ROBO2: variants seen among roughly 807,000 people sequenced by gnomAD.
ROBO2 encodes roundabout homolog 2.
ROBO2 carries 53 observed loss-of-function variants against 160.8 expected under a neutral mutation model. The ratio of observed to expected loss-of-function variants is 0.33; its 90% confidence interval spans 0.26 to 0.41. The LOEUF is 0.41. ROBO2 is among the 10% of genes least tolerant of loss of function. The pLI is 1.00. For synonymous variants in ROBO2, 664 were observed against 611.7 expected (o/e 1.09, Z -1.26); for missense variants, 1,577 against 1,722.4 (o/e 0.92, Z 1.49).
At chr3:77,287,327 C>G (rs1250124406) in intron 2 of ROBO2, among the ~76,000 whole-genome samples, 5 of 151,952 alleles carry the variant, frequency 3.3e-5, no homozygotes, top group African/African-American at 1.2e-4. Context: ...CATCGTTTAT[C>G]TTTCAAAAGA....
chr3:76,941,892 G>T (rs911639046), intron 2 of ROBO2, among the ~76,000 whole-genome samples: 1 of 152,082 alleles, frequency 6.6e-6, no homozygotes, highest in Admixed American at 6.6e-5. Flanking sequence ...TTTTTAAGTT[G>T]GAGAATAAGA....
At chr3:77,622,368 G>A in exon 23 of ROBO2, 1 of 1,614,022 alleles carries the variant, frequency 6.2e-7, no homozygotes, top group Non-Finnish European at 8.5e-7. Context: ...AAATCCCCAG[G>A]CCCCTGAGAG....
At chr3:76,867,824 G>A (rs1210741263) in intron 2 of ROBO2, among the ~76,000 whole-genome samples, 1 of 152,176 alleles carries the variant, frequency 6.6e-6, no homozygotes, top group Admixed American at 6.5e-5. Context: ...CTTTCAATAA[G>A]AGAGAACATT....
intron 5 of ROBO2, among the ~76,000 whole-genome samples, chr3:77,508,762 T>C (rs1314537520): frequency 6.6e-6 from 1 of 152,078 alleles, no homozygotes; most frequent in East Asian, 1.9e-4. Flanking sequence ...CTGTTTATAA[T>C]TTTTATCATA....
At chr3:76,447,891 G>T (rs1322990150) in intron 2 of ROBO2, among the ~76,000 whole-genome samples, 1 of 117,858 alleles carries the variant, frequency 8.5e-6, no homozygotes, top group Non-Finnish European at 1.7e-5. Flanking sequence ...GGGGCCTGTT[G>T]TGGGGTGGGG....
At chr3:76,148,156 A>G (rs995646134) in intron 2 of ROBO2, among the ~76,000 whole-genome samples, 5 of 151,988 alleles carry the variant, frequency 3.3e-5, no homozygotes, top group Admixed American at 3.3e-4. Context: ...GGTTTCACTC[A>G]CATTTCATAA....
chr3:76,012,360 G>A (rs1055386645), intron 2 of ROBO2, among the ~76,000 whole-genome samples: 8 of 151,996 alleles, frequency 5.3e-5, no homozygotes, highest in Admixed American at 5.2e-4. Flanking sequence ...TTAAAATTTG[G>A]TATTTTATAC....
In ROBO2 at chr3:76,434,949, A is replaced by T. The variant is rs192856135; in HGVS notation, c.109+497347A>T. ...CCCATCCCCCAAACCAGCCACAAAGAAGGAGCCAGCTGTACTTGAACTGGA... is the reference window on the plus strand; with the variant it reads ...CCCATCCCCCAAACCAGCCACAAAGTAGGAGCCAGCTGTACTTGAACTGGA... On this transcript the variant is annotated intron_variant, in intron 2 of 26. Transcript: ENST00000487694. The T allele has an allele frequency of 1.1e-4, 170 of 1,599,230 alleles. No individual in the cohort carries two copies. In the African/African-American group the frequency reaches 2.1e-3, roughly 20 times the overall value.
intron 2 of ROBO2, among the ~76,000 whole-genome samples, chr3:76,972,999 C>A (rs2059643588): frequency 6.6e-6 from 1 of 152,052 alleles, no homozygotes; most frequent in African/African-American, 2.4e-5. Context: ...TTGTAAAGAG[C>A]TATTTAGTGC....
intron 2 of ROBO2, among the ~76,000 whole-genome samples, chr3:76,511,283 T>G (rs2081072830): frequency 6.6e-6 from 1 of 152,316 alleles, no homozygotes; most frequent in African/African-American, 2.4e-5. Flanking sequence ...ATAGTGAATT[T>G]CTTTCCAGTT....
intron 2 of ROBO2, among the ~76,000 whole-genome samples, chr3:76,065,757 A>C (rs1418984036): frequency 1.4e-5 from 1 of 72,162 alleles, no homozygotes; most frequent in African/African-American, 3.9e-5. Context: ...ATATATACAC[A>C]CACACACACA....
At chr3:76,349,722 C>T (rs2074756426) in intron 2 of ROBO2, among the ~76,000 whole-genome samples, 1 of 152,084 alleles carries the variant, frequency 6.6e-6, no homozygotes, top group African/African-American at 2.4e-5. Flanking sequence ...AAGTCAGAAA[C>T]AAAGGACAGT....
intron 2 of ROBO2, among the ~76,000 whole-genome samples, chr3:77,029,496 G>A (rs1481089976): frequency 6.6e-6 from 1 of 152,146 alleles, no homozygotes; most frequent in Non-Finnish European, 1.5e-5. Context: ...CAGAGGAAAC[G>A]ACTTAAGTCT....
At chr3:76,578,716 T>C (rs1012486909) in intron 2 of ROBO2, among the ~76,000 whole-genome samples, 1 of 152,116 alleles carries the variant, frequency 6.6e-6, no homozygotes, top group Non-Finnish European at 1.5e-5. Context: ...TCCCATCACT[T>C]CAGCTGTCCA....
intron 2 of ROBO2, among the ~76,000 whole-genome samples, chr3:76,959,280 C>A (rs931999056): frequency 6.6e-6 from 1 of 152,130 alleles, no homozygotes; most frequent in African/African-American, 2.4e-5. Context: ...TCAAATCGCC[C>A]TTTGTGGAAA....
At chr3:76,885,860 G>T (rs1219370860) in intron 2 of ROBO2, among the ~76,000 whole-genome samples, 3 of 151,950 alleles carry the variant, frequency 2.0e-5, no homozygotes, top group African/African-American at 7.3e-5. Flanking sequence ...TTTTCCTCTT[G>T]TTCCTGAGAC....
chr3:76,655,148 C>G (rs1349013), intron 2 of ROBO2, among the ~76,000 whole-genome samples: 1 of 149,278 alleles, frequency 6.7e-6, no homozygotes, highest in African/African-American at 2.4e-5. Flanking sequence ...AAGAATTTCT[C>G]CTATTAATAT....
intron 2 of ROBO2, among the ~76,000 whole-genome samples, chr3:77,264,408 A>G (rs1289407150): frequency 1.3e-5 from 2 of 152,120 alleles, no homozygotes; most frequent in Non-Finnish European, 2.9e-5. Context: ...TGCGATTGCC[A>G]TTTCACATGA....
chr3:77,034,783 AT>A (rs2063529480), intron 2 of ROBO2, among the ~76,000 whole-genome samples: 2 of 151,960 alleles, frequency 1.3e-5, no homozygotes, highest in Non-Finnish European at 2.9e-5. Flanking sequence ...AAATTTTTCT[AT>A]TAGGATTACA....
Sources: gnomAD v4.1 joint callset for allele counts (sites outside exome capture counted in the v4.1 genomes callset) on GRCh38, gnomAD v4.1.1 for gene constraint, MANE v1.5 for transcripts, NCBI Gene and HGNC (gene_info 2026-07-23, HGNC 2026-07-21) for gene names.